UMAD1: variants seen among roughly 807,000 people sequenced by gnomAD.
UMAD1 encodes the protein UBAP1-MVB12-associated (UMA) domain containing 1, also known as UBAP1-MVB12-associated (UMA)-domain containing protein 1.
A neutral mutation model predicts 6.1 loss-of-function variants in UMAD1; 8 were observed. The observed-to-expected ratio is 1.30, with a 90% CI of 0.76 to 2.35. The LOEUF is 2.35. Ranked by LOEUF, UMAD1 falls within the 30% of genes most tolerant of loss-of-function variation. UMAD1 has a pLI of 0.00. For missense variants in UMAD1, 130 were observed against 78.4 expected (o/e 1.66, Z -2.49); for synonymous variants, 56 against 31.4 (o/e 1.78, Z -2.61).
chr7:7,786,462 T>C (rs1399190348), intron 2 of UMAD1, among the ~76,000 whole-genome samples: 2 of 152,144 alleles, frequency 1.3e-5, no homozygotes, highest in Admixed American at 6.5e-5. Context: ...TTACTGAAAA[T>C]GTCAACCATC....
intron 2 of UMAD1, among the ~76,000 whole-genome samples, chr7:7,722,173 A>C (rs1256922441): frequency 6.8e-6 from 1 of 147,732 alleles, no homozygotes; most frequent in African/African-American, 2.5e-5. Context: ...ATATATATGT[A>C]TATATATGTA....
intron 3 of UMAD1, among the ~76,000 whole-genome samples, chr7:7,810,201 TCA>T (rs1444650831): frequency 1.4e-5 from 2 of 143,694 alleles, no homozygotes; most frequent in Non-Finnish European, 3.1e-5. Context: ...AACTCTTTAC[TCA>T]CACAAGATAT....
intron 2 of UMAD1, among the ~76,000 whole-genome samples, chr7:7,748,195 C>T (rs377150568): frequency 7.9e-5 from 12 of 151,822 alleles, no homozygotes; most frequent in African/African-American, 2.4e-4. Context: ...CCGCCCGCCT[C>T]GGCCTCCCAA....
chr7:7,711,522 T>C (rs928311547), intron 2 of UMAD1, among the ~76,000 whole-genome samples: 7 of 152,360 alleles, frequency 4.6e-5, no homozygotes, highest in African/African-American at 1.4e-4. Flanking sequence ...CATGTAATAC[T>C]GTGAGACTTA....
At chr7:7,682,686 G>C (rs1779942956) in intron 2 of UMAD1, among the ~76,000 whole-genome samples, 1 of 152,154 alleles carries the variant, frequency 6.6e-6, no homozygotes, top group Non-Finnish European at 1.5e-5. Flanking sequence ...TAAAAAATTA[G>C]AGTGTTTATG....
intron 3 of UMAD1, among the ~76,000 whole-genome samples, chr7:7,861,068 A>G (rs1224567846): frequency 2.6e-5 from 4 of 152,130 alleles, no homozygotes; most frequent in Admixed American, 6.5e-5. Flanking sequence ...AGAGACAAAA[A>G]GTGTTTACAA....
At chr7:7,832,068 C>G (rs9690421) in intron 3 of UMAD1, among the ~76,000 whole-genome samples, 96,506 of 152,108 alleles carry the variant, frequency 0.63, 33,257 homozygotes, top group African/African-American at 0.91. Flanking sequence ...AATGTTGACT[C>G]TGTCTATCTG....
At chr7:7,868,928 T>A (rs1784286104) in intron 3 of UMAD1, among the ~76,000 whole-genome samples, 1 of 152,188 alleles carries the variant, frequency 6.6e-6, no homozygotes, top group Non-Finnish European at 1.5e-5. Context: ...CAAAAACATT[T>A]AATGAGCACT....
At position 7,872,605 on chromosome 7, in the gene UMAD1, A is replaced by G. The variant is rs528340268; in HGVS notation, c.157-4676A>G. Among the ~76,000 whole-genome samples, 14 of 152,374 alleles carry G rather than the reference A, an allele frequency of 9.2e-5. No individual in the cohort carries two copies. In the South Asian group the frequency reaches 1.0e-3, roughly 11 times the overall value. ...TGACATAGACACACAAAGTGAGCAC[A>G]TGCTGCTGGATAAATGACTCCAGTA... On this transcript the variant is annotated intron_variant, in intron 3 of 3. Transcript: ENST00000682710.
chr7:7,757,862 C>T (rs572568838), intron 2 of UMAD1, among the ~76,000 whole-genome samples: 2 of 152,216 alleles, frequency 1.3e-5, no homozygotes, highest in Admixed American at 6.5e-5. Context: ...TGGTTCCACT[C>T]CCGCCACCAT....
At chr7:7,794,288 A>G (rs1384853857) in intron 2 of UMAD1, among the ~76,000 whole-genome samples, 1 of 152,216 alleles carries the variant, frequency 6.6e-6, no homozygotes, top group East Asian at 1.9e-4. Context: ...CCTCTTCCCC[A>G]GATGAGATCT....
At chr7:7,657,387 C>T (rs1426495751) in intron 1 of UMAD1, among the ~76,000 whole-genome samples, 1 of 152,194 alleles carries the variant, frequency 6.6e-6, no homozygotes, top group Non-Finnish European at 1.5e-5. Context: ...AGTCTTTGCC[C>T]ATGCCTATGT....
rs534545839 is a variant in UMAD1 at position 7,691,860 on chromosome 7, T to A, written c.82+18407T>A. On this transcript the variant is annotated intron_variant, in intron 2 of 3. Coordinates refer to ENST00000682710, the MANE Select transcript of UMAD1 (RefSeq NM_001302348.2). ...CTGCCAAACAAAAGTCATGAAGATT[T>A]TTTAGTTAAAATTTTATCTGGCTAG... 7.0e-4 allele frequency among the ~76,000 whole-genome samples: 107 copies of A among 152,326 alleles called. 1 individual carries two copies. Among genetic ancestry groups the A allele is most frequent in the Non-Finnish European group, 8.8e-5 (6 of 68,028 alleles).
At chr7:7,789,613 C>T (rs1039058011) in intron 2 of UMAD1, among the ~76,000 whole-genome samples, 1 of 121,954 alleles carries the variant, frequency 8.2e-6, no homozygotes, top group Non-Finnish European at 1.8e-5. Flanking sequence ...AACAAAATAC[C>T]CCTTCTCCCC....
At chr7:7,665,859 A>G (rs1563100360) in intron 1 of UMAD1, among the ~76,000 whole-genome samples, 2 of 149,862 alleles carry the variant, frequency 1.3e-5, no homozygotes, top group African/African-American at 4.9e-5. Context: ...ATGTTGTAGC[A>G]TGTATCACTA....
At chr7:7,751,114 A>G (rs1486300727) in intron 2 of UMAD1, among the ~76,000 whole-genome samples, 1 of 152,108 alleles carries the variant, frequency 6.6e-6, no homozygotes, top group Non-Finnish European at 1.5e-5. Flanking sequence ...CAATGTGAAT[A>G]TAATGCTGTC....
intron 1 of UMAD1, among the ~76,000 whole-genome samples, chr7:7,664,566 T>C (rs534378643): frequency 2.0e-5 from 3 of 152,330 alleles, no homozygotes; most frequent in South Asian, 4.1e-4. Context: ...GGTTAATCTC[T>C]TTGCTTTCCT....
At chr7:7,750,915 G>A (rs17137236) in intron 2 of UMAD1, among the ~76,000 whole-genome samples, 12,977 of 152,204 alleles carry the variant, frequency 0.085, 708 homozygotes, top group African/African-American at 0.14. Flanking sequence ...ATAGCAAACA[G>A]TGTCAATAAA....
chr7:7,722,211 A>G (rs962647616), intron 2 of UMAD1, among the ~76,000 whole-genome samples: 1 of 150,048 alleles, frequency 6.7e-6, no homozygotes, highest in Non-Finnish European at 1.5e-5. Flanking sequence ...AGATATATAG[A>G]TATATACTAT....
Sources: gnomAD v4.1 joint callset for allele counts (sites outside exome capture counted in the v4.1 genomes callset) on GRCh38, gnomAD v4.1.1 for gene constraint, MANE v1.5 for transcripts, NCBI Gene and HGNC (gene_info 2026-07-23, HGNC 2026-07-21) for gene names.